The following JARID2 variants were observed in gnomAD, a reference collection of about 807,000 sequenced individuals.
JARID2 encodes jumonji and AT-rich interaction domain containing 2.
A neutral mutation model predicts 125.6 loss-of-function variants in JARID2; 21 were observed. The observed-to-expected ratio is 0.17, with a 90% CI of 0.12 to 0.24. JARID2 has a LOEUF of 0.24. JARID2 is among the 10% of genes least tolerant of loss of function. JARID2 has a pLI of 1.00. For missense variants in JARID2, 1,303 were observed against 1,639.6 expected (o/e 0.79, Z 3.55); for synonymous variants, 736 against 661.6 (o/e 1.11, Z -1.73).
intron 6 of JARID2, among the ~76,000 whole-genome samples, chr6:15,492,483 A>C (rs1318422401): frequency 6.6e-6 from 1 of 152,176 alleles, no homozygotes; most frequent in African/African-American, 2.4e-5. Flanking sequence ...AAGGTAAGAC[A>C]ATGCCTTCCT....
intron 7 of JARID2, among the ~76,000 whole-genome samples, chr6:15,499,470 A>G (rs1770624698): frequency 6.6e-6 from 1 of 152,152 alleles, no homozygotes; most frequent in African/African-American, 2.4e-5. Flanking sequence ...TTAGAGTGAA[A>G]TATGAAAGTG....
At chr6:15,510,160 T>A (rs947512923) in intron 12 of JARID2, among the ~76,000 whole-genome samples, 1 of 152,104 alleles carries the variant, frequency 6.6e-6, no homozygotes, top group Non-Finnish European at 1.5e-5. Flanking sequence ...CCTGAGCTGC[T>A]GGCCCACATC....
rs762763044 is a variant in JARID2 at position 15,460,487 on chromosome 6, C to CT, written c.494-8052dup. ...CCACTTAGAGAACATGGAAATAAGA[C>CT]TTTAAGTATGGCAGTGCTGTTTTGT... On this transcript the variant is annotated intron_variant, in intron 4 of 17. Coordinates refer to ENST00000341776, the MANE Select transcript of JARID2 (RefSeq NM_004973.4). Among the ~76,000 whole-genome samples the CT allele has an allele frequency of 3.3e-5, 5 of 152,168 alleles. No individual in the cohort carries two copies. In the South Asian group the frequency reaches 1.0e-3, roughly 32 times the overall value.
At chr6:15,331,994 C>T (rs989542888) in intron 1 of JARID2, among the ~76,000 whole-genome samples, 2 of 152,136 alleles carry the variant, frequency 1.3e-5, no homozygotes, top group Non-Finnish European at 2.9e-5. Context: ...TTTGTGAGCA[C>T]ACCTGCTAAG....
intron 3 of JARID2, among the ~76,000 whole-genome samples, chr6:15,447,584 C>G (rs550667858): frequency 6.6e-6 from 1 of 152,310 alleles, no homozygotes; most frequent in South Asian, 2.1e-4. Flanking sequence ...GAACCCCGTG[C>G]TCTCTCCACC....
intron 2 of JARID2, among the ~76,000 whole-genome samples, chr6:15,397,941 G>A (rs561246489): frequency 1.3e-5 from 2 of 152,286 alleles, no homozygotes; most frequent in South Asian, 4.1e-4. Context: ...CCATTCATCA[G>A]TTGTGTAGTA....
intron 1 of JARID2, among the ~76,000 whole-genome samples, chr6:15,336,111 GA>G (rs1762869670): frequency 7.0e-6 from 1 of 142,028 alleles, no homozygotes; most frequent in South Asian, 2.2e-4. Flanking sequence ...ATGAATGAAT[GA>G]ATGAATAAAT....
chr6:15,258,179 C>T (rs1167358771), intron 1 of JARID2, among the ~76,000 whole-genome samples: 1 of 152,182 alleles, frequency 6.6e-6, no homozygotes, highest in Non-Finnish European at 1.5e-5. Context: ...TTAAATACAG[C>T]TGGCATTTTT....
At chr6:15,362,212 C>T (rs756481266) in intron 1 of JARID2, among the ~76,000 whole-genome samples, 7 of 151,760 alleles carry the variant, frequency 4.6e-5, no homozygotes, top group Admixed American at 1.3e-4. Context: ...TTTAATTTGT[C>T]GAAAATATAT....
At chr6:15,410,080 C>T in intron 2 of JARID2, 144 bp from the exon 3 acceptor site, 1 of 651,638 alleles carries the variant, frequency 1.5e-6, no homozygotes, top group South Asian at 3.5e-5. Flanking sequence ...TTTCTCCACC[C>T]ATTCAAAAGG....
chr6:15,319,736 A>T (rs1331484120), intron 1 of JARID2, among the ~76,000 whole-genome samples: 2 of 152,180 alleles, frequency 1.3e-5, no homozygotes, highest in Non-Finnish European at 2.9e-5. Context: ...TTTGAGGGAG[A>T]AGCAGGAAAA....
intron 2 of JARID2, among the ~76,000 whole-genome samples, chr6:15,383,349 C>G (rs904942524): frequency 1.1e-4 from 17 of 150,540 alleles, no homozygotes; most frequent in African/African-American, 3.9e-4. Flanking sequence ...AAGGGTCTCT[C>G]TAGTTTCTTT....
At chr6:15,418,869 C>T (rs1188236339) in intron 3 of JARID2, among the ~76,000 whole-genome samples, 3 of 152,186 alleles carry the variant, frequency 2.0e-5, no homozygotes, top group South Asian at 2.1e-4. Flanking sequence ...TTCACAGCTA[C>T]ATTGTCTGCA....
chr6:15,413,637 G>A (rs1312935131), intron 3 of JARID2, among the ~76,000 whole-genome samples: 1 of 152,068 alleles, frequency 6.6e-6, no homozygotes, highest in African/African-American at 2.4e-5. Flanking sequence ...GATGGGATCT[G>A]GCTTTGTTAC....
At chr6:15,510,830 C>T (rs1468213001) in intron 12 of JARID2, among the ~76,000 whole-genome samples, 2 of 152,214 alleles carry the variant, frequency 1.3e-5, no homozygotes, top group African/African-American at 4.8e-5. Context: ...TTTACTGTTC[C>T]TGTCTGGAGG....
intron 4 of JARID2, among the ~76,000 whole-genome samples, chr6:15,456,044 A>G (rs10949303): frequency 1.1e-4 from 17 of 152,316 alleles, no homozygotes; most frequent in African/African-American, 3.6e-4. Context: ...CTATGGCGCA[A>G]TTGTGACTGT....
intron 1 of JARID2, among the ~76,000 whole-genome samples, chr6:15,360,714 A>C (rs556831041): frequency 1.3e-4 from 20 of 152,244 alleles, no homozygotes; most frequent in African/African-American, 4.6e-4. Flanking sequence ...TATATTGGCC[A>C]GGGCTGTCTT....
At chr6:15,480,501 A>G (rs1769558808) in intron 5 of JARID2, among the ~76,000 whole-genome samples, 1 of 152,156 alleles carries the variant, frequency 6.6e-6, no homozygotes, top group South Asian at 2.1e-4. Flanking sequence ...CTTTATTAGC[A>G]TGGGTAATTG....
chr6:15,499,847 T>C (rs1270616680), intron 7 of JARID2, among the ~76,000 whole-genome samples: 1 of 152,142 alleles, frequency 6.6e-6, no homozygotes, highest in Admixed American at 6.5e-5. Context: ...GTCTTGCTGG[T>C]GTGCTGGGAA....
Sources: gnomAD v4.1 joint callset for allele counts (sites outside exome capture counted in the v4.1 genomes callset) on GRCh38, gnomAD v4.1.1 for gene constraint, MANE v1.5 for transcripts, NCBI Gene and HGNC (gene_info 2026-07-23, HGNC 2026-07-21) for gene names.